SEMA3A: variants seen among roughly 807,000 people sequenced by gnomAD.
The protein encoded by SEMA3A is semaphorin-3A.
Under a neutral mutation model 97.9 loss-of-function variants are expected in SEMA3A, and 29 were observed. The observed-to-expected ratio is 0.30, with a 90% CI of 0.22 to 0.40. SEMA3A has a LOEUF of 0.40. Among genes scored for constraint, SEMA3A ranks in the 10% least tolerant of loss-of-function variants. The probability of loss-of-function intolerance (pLI) is 1.00; values close to 1 mark genes in which losing one functional copy is unlikely to be tolerated. For missense variants in SEMA3A, 763 were observed against 951.3 expected, an observed-to-expected ratio of 0.80 and a Z score of 2.60; for synonymous variants, 321 against 323.7, an observed-to-expected ratio of 0.99 and a Z score of 0.09.
intron 2 of SEMA3A, among the ~76,000 whole-genome samples, chr7:84,338,645 T>C (rs1046884115): frequency 3.9e-5 from 6 of 152,072 alleles, no homozygotes; most frequent in Admixed American, 2.6e-4. Context: ...ATGAATATAA[T>C]GGTAGTAAAA....
At chr7:84,348,628 G>C (rs527811845) in intron 2 of SEMA3A, among the ~76,000 whole-genome samples, 75 of 152,260 alleles carry the variant, frequency 4.9e-4, no homozygotes, top group Non-Finnish European at 9.9e-4. Flanking sequence ...CAGAATCTCG[G>C]TTCTATTTGT....
chr7:84,163,211 A>G (rs1330355624), intron 1 of SEMA3A, among the ~76,000 whole-genome samples: 1 of 152,176 alleles, frequency 6.6e-6, no homozygotes, highest in East Asian at 1.9e-4. Flanking sequence ...TCCAGTATTC[A>G]TATGCTTTGT....
chr7:84,229,563 A>C (rs900180058), intron 3 of SEMA3A, among the ~76,000 whole-genome samples: 2 of 152,120 alleles, frequency 1.3e-5, no homozygotes, highest in Admixed American at 1.3e-4. Flanking sequence ...TACCATAATG[A>C]AATCTTATGG....
chr7:83,985,682 C>T (rs760962014), intron 12 of SEMA3A, among the ~76,000 whole-genome samples: 2 of 152,152 alleles, frequency 1.3e-5, no homozygotes, highest in Non-Finnish European at 2.9e-5. Flanking sequence ...GTGTCAGTGT[C>T]ATACAGTCTA....
intron 14 of SEMA3A, among the ~76,000 whole-genome samples, chr7:83,977,788 C>CTTTTTTTTTTTTTTTTTT (rs139682272): frequency 2.1e-5 from 3 of 141,070 alleles, no homozygotes; most frequent in Non-Finnish European, 3.0e-5. Flanking sequence ...TCAACCTATC[C>CTTTTTTTTTTTTTTTTTT]TTTTTTTTTT....
intron 6 of SEMA3A, among the ~76,000 whole-genome samples, chr7:84,031,477 C>A (rs1013974947): frequency 6.6e-6 from 1 of 152,056 alleles, no homozygotes; most frequent in Admixed American, 6.6e-5. Context: ...ACCAAACAAA[C>A]AAAACCACTA....
chr7:84,375,345 T>C (rs542673283), intron 1 of SEMA3A, among the ~76,000 whole-genome samples: 5 of 152,094 alleles, frequency 3.3e-5, no homozygotes, highest in Admixed American at 6.5e-5. Context: ...ATTGAGGGCA[T>C]TGAGTGCGCA....
rs1050887220 is a variant in SEMA3A at position 84,340,544 on chromosome 7, C to T, written c.-169+31280G>A. On this transcript the variant is annotated intron_variant, in intron 2 of 3. Coordinates refer to the SEMA3A transcript ENST00000424555. ...CTGTAATCCCAGCACTTTGGGAGGC[C>T]GAGGCAGGTGGATCACCTGAGGTCA... Among the ~76,000 whole-genome samples, 4 of 151,856 alleles carry T rather than the reference C, an allele frequency of 2.6e-5. No individual in the cohort carries two copies. The East Asian group carries it at 5.8e-4, about 22-fold the overall frequency.
chr7:84,080,169 C>T (rs1264767978), intron 4 of SEMA3A, among the ~76,000 whole-genome samples: 33 of 107,784 alleles, frequency 3.1e-4, no homozygotes, highest in Admixed American at 1.2e-3. Context: ...CACATGGACA[C>T]GGAAGGGGAA....
intron 4 of SEMA3A, among the ~76,000 whole-genome samples, chr7:84,107,316 A>G (rs3801633): frequency 0.42 from 64,447 of 152,046 alleles, 14,832 homozygotes; most frequent in Admixed American, 0.52. Context: ...GGCAGCTTAA[A>G]CATTGAAAAT....
chr7:84,351,329 T>C (rs1451548222), intron 2 of SEMA3A, among the ~76,000 whole-genome samples: 2 of 152,146 alleles, frequency 1.3e-5, no homozygotes, highest in Admixed American at 6.6e-5. Context: ...CGTAAGCCTT[T>C]GAAAAACATT....
At chr7:84,485,692 T>A (rs1391439292) in intron 1 of SEMA3A, among the ~76,000 whole-genome samples, 1 of 152,144 alleles carries the variant, frequency 6.6e-6, no homozygotes, top group Non-Finnish European at 1.5e-5. Flanking sequence ...ATTTCAGACA[T>A]CCTTACCAGT....
upstream of SEMA3A, among the ~76,000 whole-genome samples, chr7:84,198,069 C>T (rs1021311395): frequency 4.6e-5 from 7 of 152,014 alleles, no homozygotes; most frequent in Admixed American, 6.5e-5. Flanking sequence ...GAATCTGTGG[C>T]CTAAATTCTG....
chr7:84,325,664 G>T (rs1801759250), intron 2 of SEMA3A, among the ~76,000 whole-genome samples: 1 of 151,670 alleles, frequency 6.6e-6, no homozygotes, highest in South Asian at 2.1e-4. Flanking sequence ...GTATTTGTAA[G>T]GTTTTGAGCA....
intron 3 of SEMA3A, among the ~76,000 whole-genome samples, chr7:84,221,940 TA>T (rs892810591): frequency 1.7e-4 from 25 of 150,876 alleles, no homozygotes; most frequent in African/African-American, 5.6e-4. Flanking sequence ...CTTCAATTTG[TA>T]AAAAAAAACA....
intron 1 of SEMA3A, among the ~76,000 whole-genome samples, chr7:84,410,707 C>G (rs1455557833): frequency 1.3e-5 from 2 of 152,088 alleles, no homozygotes; most frequent in Non-Finnish European, 2.9e-5. Flanking sequence ...AAGAAAAATG[C>G]AGGTATTAGA....
intron 15 of SEMA3A, among the ~76,000 whole-genome samples, chr7:83,976,273 A>G (rs930588833): frequency 1.2e-4 from 19 of 152,186 alleles, no homozygotes; most frequent in African/African-American, 4.3e-4. Context: ...AAATCAAAGA[A>G]AAGTCAACTG....
At chr7:84,244,143 T>G (rs1324962144) in intron 3 of SEMA3A, among the ~76,000 whole-genome samples, 1 of 152,184 alleles carries the variant, frequency 6.6e-6, no homozygotes, top group Non-Finnish European at 1.5e-5. Context: ...AAGTCCTGAA[T>G]ATCCTTGTTA....
intron 13 of SEMA3A, among the ~76,000 whole-genome samples, chr7:83,983,994 G>A (rs1008324811): frequency 1.3e-5 from 2 of 152,048 alleles, no homozygotes; most frequent in African/African-American, 2.4e-5. Context: ...TTCCAGTAAT[G>A]GAAAATAAAG....
Sources: gnomAD v4.1 joint callset for allele counts (sites outside exome capture counted in the v4.1 genomes callset) on GRCh38, gnomAD v4.1.1 for gene constraint, MANE v1.5 for transcripts, NCBI Gene and HGNC (gene_info 2026-07-23, HGNC 2026-07-21) for gene names.